The following AFDN variants were observed in gnomAD, a reference collection of about 807,000 sequenced individuals.
AFDN encodes the protein afadin, adherens junction formation factor, also known as afadin.
Under a neutral mutation model 216.6 loss-of-function variants are expected in AFDN, and 68 were observed. That is an observed-to-expected ratio of 0.31 (90% confidence interval 0.26 to 0.38). The LOEUF (loss-of-function observed/expected upper bound fraction) is 0.38, where lower values mean the gene tolerates loss of function less well. AFDN is among the 10% of genes least tolerant of loss of function. The pLI is 1.00. For synonymous variants in AFDN, 868 were observed against 853.7 expected (o/e 1.02, Z -0.29); for missense variants, 2,136 against 2,342.0 (o/e 0.91, Z 1.82).
At chr6:167,961,591 G>A (rs1178194919) in intron 30 of AFDN, among the ~76,000 whole-genome samples, 2 of 139,752 alleles carry the variant, frequency 1.4e-5, no homozygotes, top group East Asian at 2.7e-4. Context: ...ATGAAGGAAA[G>A]GTATCTTTCT....
intron 23 of AFDN, among the ~76,000 whole-genome samples, chr6:167,935,401 C>T (rs766539934): frequency 3.9e-5 from 6 of 152,106 alleles, no homozygotes; most frequent in Non-Finnish European, 7.4e-5. Flanking sequence ...GCAGTGTGGG[C>T]GCTGTACTGC....
chr6:167,891,050 A>G, intron 8 of AFDN, 21 bp downstream of exon 8: 2 of 1,553,958 alleles, frequency 1.3e-6, no homozygotes, highest in South Asian at 1.2e-5. Flanking sequence ...TGGTCACACC[A>G]GCACACATTA....
Position 167,952,336 on chromosome 6 carries a change from G to A in AFDN, c.4833+149G>A, listed in dbSNP as rs1374558015. The A allele has an allele frequency of 2.6e-6, 4 of 1,511,576 alleles. No homozygotes were observed. The East Asian group carries it at 9.1e-5, about 35-fold the overall frequency. 93.6% of individuals were successfully genotyped at this position (1,511,576 alleles called of 1,614,324 possible). ...TGTTTTATTGTATGTGTTACTCTTG[G>A]CTGATGTCGTAGAGAAATGAGTCAG... On this transcript the variant is annotated intron_variant, in intron 30 of 33. Transcript: ENST00000683244.
intron 30 of AFDN, among the ~76,000 whole-genome samples, chr6:167,958,660 A>G (rs1477184163): frequency 6.6e-6 from 1 of 152,222 alleles, no homozygotes; most frequent in Non-Finnish European, 1.5e-5. Context: ...TCCTTACATG[A>G]AAGCCCAAGC....
intron 1 of AFDN, among the ~76,000 whole-genome samples, chr6:167,850,202 A>G (rs1371800250): frequency 6.6e-6 from 1 of 152,166 alleles, no homozygotes; most frequent in Non-Finnish European, 1.5e-5. Context: ...ATGTTACTCT[A>G]CCTCAAAATT....
chr6:167,831,868 C>T (rs1040068868), intron 1 of AFDN, among the ~76,000 whole-genome samples: 5 of 152,108 alleles, frequency 3.3e-5, no homozygotes, highest in Non-Finnish European at 7.4e-5. Context: ...ACAGTTTTAC[C>T]AGACTTGAAT....
intron 1 of AFDN, among the ~76,000 whole-genome samples, chr6:167,831,993 T>A (rs555918126): frequency 2.0e-5 from 3 of 152,368 alleles, no homozygotes; most frequent in East Asian, 3.9e-4. Flanking sequence ...ATTGAACATA[T>A]GAGACTGAAC....
At chr6:167,964,874 T>C (rs1797383093) in intron 31 of AFDN, 2 of 1,065,112 alleles carry the variant, frequency 1.9e-6, no homozygotes, top group African/African-American at 1.6e-5. Context: ...TTTTTTCTTG[T>C]GCTCTAAAAC....
chr6:167,946,858 G>C lies in AFDN; in HGVS notation c.3510G>C (p.Leu1170=). 1.9e-6 allele frequency: 3 copies of C among 1,612,612 alleles called. No homozygotes were observed. Among genetic ancestry groups the C allele is most frequent in the Non-Finnish European group, 2.5e-6 (3 of 1,179,608 alleles). Residue 1170 remains leucine, a synonymous_variant, in exon 27 of 34, where the codon CTG becomes CTC. Coordinates refer to ENST00000683244, the MANE Select transcript of AFDN (RefSeq NM_001386888.1). ...AGAAATTGCCTGGTGATGACAGACT[G>C]ATGAAAAATAGAGCTGATCACCGTT... ...EPKKLPGDDR[L]MKNRADHRSS...
At chr6:167,875,236 A>G (rs1785221092) in intron 4 of AFDN, 99 bp from the exon 5 acceptor site, 14 of 1,134,174 alleles carry the variant, frequency 1.2e-5, no homozygotes, top group Non-Finnish European at 1.7e-5. Context: ...GATGTAGCCA[A>G]ATAGCACCTG....
chr6:167,841,859 A>G (rs201184345), intron 1 of AFDN, among the ~76,000 whole-genome samples: 1 of 151,714 alleles, frequency 6.6e-6, no homozygotes, highest in African/African-American at 2.4e-5. Context: ...TTGAGATCCC[A>G]TTCCTCTGGG....
intron 21 of AFDN, among the ~76,000 whole-genome samples, chr6:167,921,698 G>T (rs1791832381): frequency 6.6e-6 from 1 of 151,642 alleles, no homozygotes; most frequent in South Asian, 2.1e-4. Flanking sequence ...ATTTATAATT[G>T]TTCAGATTTC....
intron 3 of AFDN, among the ~76,000 whole-genome samples, chr6:167,871,096 T>C (rs1784736147): frequency 6.6e-6 from 1 of 151,850 alleles, no homozygotes; most frequent in African/African-American, 2.4e-5. Context: ...ATGAAAAATC[T>C]TCCATTTCAT....
At chr6:167,871,787 AT>A (rs1205735314) in intron 3 of AFDN, among the ~76,000 whole-genome samples, 1 of 152,086 alleles carries the variant, frequency 6.6e-6, no homozygotes, top group African/African-American at 2.4e-5. Context: ...ACTATAGGCG[AT>A]TTGTCTATTA....
chr6:167,916,700 T>A (rs1583399229), intron 19 of AFDN, among the ~76,000 whole-genome samples: 1 of 152,162 alleles, frequency 6.6e-6, no homozygotes, highest in Non-Finnish European at 1.5e-5. Flanking sequence ...AACCTTTTTT[T>A]AAAAGAGATT....
Position 167,864,551 on chromosome 6 carries a change from G to A in AFDN, c.106G>A (p.Asp36Asn). The change falls in exon 2 of 34, where the codon GAT becomes AAT. Residue 36 changes from aspartate to asparagine, a missense_variant and splice_region_variant. By Grantham distance (23) the Asp-to-Asn change is conservative. This residue lies in a region of AFDN where 81 missense variants were observed against 51.2 expected (regional missense o/e 1.58). Transcript: ENST00000683244. ...AATGTACCATTTTGTTTTCTTTTAG[G>A]ATTTGGAGTTCCATGGAGTGATGAG... ...DLFEISQPTE[D>N]LEFHGVMRFY... is the part of the protein sequence containing the mutation. The A allele has an allele frequency of 6.2e-7, 1 of 1,608,428 alleles. No individual in the cohort carries two copies. The highest frequency in any genetic ancestry group is 1.1e-5 in the South Asian group (1 of 89,960).
chr6:167,886,643 A>C (rs1272282556), intron 6 of AFDN, among the ~76,000 whole-genome samples: 1 of 152,212 alleles, frequency 6.6e-6, no homozygotes, highest in Non-Finnish European at 1.5e-5. Context: ...AATTAAGTCC[A>C]TGGATATGAT....
intron 23 of AFDN, among the ~76,000 whole-genome samples, chr6:167,927,712 C>A (rs1158050203): frequency 6.6e-6 from 1 of 152,104 alleles, no homozygotes; most frequent in Non-Finnish European, 1.5e-5. Context: ...AGAGGGTAGT[C>A]CAGGGCCCTT....
intron 1 of AFDN, among the ~76,000 whole-genome samples, chr6:167,857,268 A>G (rs9455915): frequency 1.3e-5 from 2 of 152,010 alleles, no homozygotes; most frequent in Admixed American, 1.3e-4. Flanking sequence ...AGAGAGGGTT[A>G]CCAGGTTTGT....
Sources: gnomAD v4.1 joint callset for allele counts (sites outside exome capture counted in the v4.1 genomes callset) on GRCh38, gnomAD v4.1.1 for gene constraint, gnomAD v4.1.1 regional missense constraint, MANE v1.5 for transcripts, NCBI Gene and HGNC (gene_info 2026-07-23, HGNC 2026-07-21) for gene names.